The following PLXDC2 variants were observed in gnomAD, a reference collection of about 807,000 sequenced individuals.
PLXDC2 encodes the protein plexin domain containing 2.
A neutral mutation model predicts 68.9 loss-of-function variants in PLXDC2; 40 were observed. The observed-to-expected ratio is 0.58, with a 90% CI of 0.45 to 0.76. PLXDC2 has a LOEUF of 0.76. Ranked by LOEUF, PLXDC2 falls within the 30% of genes least tolerant of loss-of-function variation. PLXDC2 has a pLI of 0.00. For synonymous variants in PLXDC2, 243 were observed against 234.2 expected, an observed-to-expected ratio of 1.04 and a Z score of -0.34; for missense variants, 644 against 661.9, an observed-to-expected ratio of 0.97 and a Z score of 0.30.
intron 1 of PLXDC2, among the ~76,000 whole-genome samples, chr10:19,887,697 C>T (rs1163422874): frequency 6.6e-6 from 1 of 152,156 alleles, no homozygotes; most frequent in Non-Finnish European, 1.5e-5. Flanking sequence ...TGTTGATCAA[C>T]AGAGAATGAA....
chr10:20,083,300 C>G (rs894181299), intron 4 of PLXDC2, among the ~76,000 whole-genome samples: 3 of 151,624 alleles, frequency 2.0e-5, no homozygotes, highest in African/African-American at 4.8e-5. Context: ...ATGGTGAAAC[C>G]CCGTCTCTAC....
Position 19,850,568 on chromosome 10 carries a change from C to T in PLXDC2, c.112+33377C>T, listed in dbSNP as rs1202589908. Among the ~76,000 whole-genome samples, 4 of 152,144 alleles carry T rather than the reference C, an allele frequency of 2.6e-5. No homozygotes were observed. In the East Asian group the frequency reaches 5.8e-4, roughly 22 times the overall value. On this transcript the variant is annotated intron_variant, in intron 1 of 13. Transcript: ENST00000377252. Reference sequence around the variant, plus strand: ...TTTCATCACGAGAGACCCAACTAATCGTCTAATTGGTTCCTCCATGTCCAC... The same window carrying T: ...TTTCATCACGAGAGACCCAACTAATTGTCTAATTGGTTCCTCCATGTCCAC...
rs552546641 is a variant in PLXDC2 at position 20,107,000 on chromosome 10, G to A, written c.542-36295G>A. 5.9e-4 allele frequency among the ~76,000 whole-genome samples: 87 copies of A among 148,522 alleles called. 3 individuals are homozygous for A. The South Asian group carries it at 0.01, about 18-fold the overall frequency. ...CTTTATCCTTTATATTTTATGTAGG[G>A]GACATGTAGTGTATACATATATATA... On this transcript the variant is annotated intron_variant, in intron 4 of 13. Coordinates refer to ENST00000377252, the MANE Select transcript of PLXDC2 (RefSeq NM_032812.9).
At chr10:19,858,695 G>A (rs958484985) in intron 1 of PLXDC2, among the ~76,000 whole-genome samples, 4 of 152,114 alleles carry the variant, frequency 2.6e-5, no homozygotes, top group African/African-American at 7.2e-5. Context: ...CAGTGTTGGG[G>A]ATAGTGAGTA....
intron 4 of PLXDC2, among the ~76,000 whole-genome samples, chr10:20,118,973 C>A (rs1358922215): frequency 6.7e-6 from 1 of 150,110 alleles, no homozygotes; most frequent in Non-Finnish European, 1.5e-5. Context: ...ATACCTTTTC[C>A]AGTAGAAACT....
chr10:20,076,427 A>G (rs1836452607), intron 4 of PLXDC2, among the ~76,000 whole-genome samples: 1 of 152,352 alleles, frequency 6.6e-6, no homozygotes, highest in South Asian at 2.1e-4. Context: ...CTTGCCTATA[A>G]AATAGCACAA....
At chr10:20,236,393 C>T (rs1035262303) in intron 12 of PLXDC2, among the ~76,000 whole-genome samples, 8 of 151,636 alleles carry the variant, frequency 5.3e-5, no homozygotes, top group Admixed American at 3.3e-4. Flanking sequence ...TGCAGTGAGC[C>T]GAGATCACAC....
rs374257996 is a variant in PLXDC2 at position 20,009,007 on chromosome 10, A to G, written c.324+7021A>G. On this transcript the variant is annotated intron_variant, in intron 2 of 13. Transcript: ENST00000377252. ...GTTTGTCTTTATTCGCAGCTTGAAA[A>G]CGGACTAATACAAGAGAGTACATTG... is the stretch of plus-strand genomic sequence containing the variant. Among the ~76,000 whole-genome samples, 64 of 152,250 alleles carry G rather than the reference A, an allele frequency of 4.2e-4. 2 individuals carry two copies. In the South Asian group the frequency reaches 5.6e-3, roughly 13 times the overall value.
At chr10:20,195,914 CA>C (rs1288100885) in intron 9 of PLXDC2, among the ~76,000 whole-genome samples, 3 of 152,126 alleles carry the variant, frequency 2.0e-5, no homozygotes, top group Non-Finnish European at 4.4e-5. Context: ...CAGCACACCT[CA>C]ACCCCCAAGA....
At chr10:20,065,825 C>T (rs1836199540) in intron 3 of PLXDC2, among the ~76,000 whole-genome samples, 1 of 152,206 alleles carries the variant, frequency 6.6e-6, no homozygotes, top group Admixed American at 6.5e-5. Context: ...GGTGGTAACG[C>T]AAGCCATGGG....
chr10:20,151,589 T>C (rs1410303302), intron 6 of PLXDC2, among the ~76,000 whole-genome samples: 2 of 152,162 alleles, frequency 1.3e-5, no homozygotes, highest in African/African-American at 4.8e-5. Context: ...AGAGATTATG[T>C]AAAACAATTC....
chr10:20,164,654 T>TA lies in PLXDC2; in HGVS notation c.883+97dup, dbSNP rs372373417. On this transcript the variant is annotated intron_variant, in intron 7 of 13. Coordinates refer to ENST00000377252, the MANE Select transcript of PLXDC2 (RefSeq NM_032812.9). Reference sequence around the variant, plus strand: ...TGGTCTATGGCAGCTGTACCTGAATTAAAAAAAAAATAGCTAATCGATTAG... The same window carrying TA: ...TGGTCTATGGCAGCTGTACCTGAATTAAAAAAAAAAATAGCTAATCGATTAG... The TA allele has an allele frequency of 3.4e-3, 2,974 of 880,476 alleles. 6 individuals are homozygous for TA. Among genetic ancestry groups the TA allele is most frequent in the South Asian group, 0.012 (772 of 62,834 alleles). 54.5% of individuals were successfully genotyped at this position (880,476 alleles called of 1,614,324 possible).
intron 1 of PLXDC2, among the ~76,000 whole-genome samples, chr10:19,991,194 C>T (rs188114487): frequency 1.6e-4 from 24 of 150,356 alleles, no homozygotes; most frequent in Non-Finnish European, 3.1e-4. Flanking sequence ...TGCGGTGAGC[C>T]GAGATCATGC....
rs571271266 is a variant in PLXDC2, at chr10:20,054,949, C to T, written c.471+7934C>T. Among the ~76,000 whole-genome samples the T allele has an allele frequency of 2.4e-4, 36 of 152,056 alleles. No individual in the cohort carries two copies. In the South Asian group the frequency reaches 7.3e-3, roughly 31 times the overall value. On this transcript the variant is annotated intron_variant, in intron 3 of 13. Transcript: ENST00000377252. ...ATATCTTTCTATGTATATATTTTTGCCAAACAATTGCCAATATACTGTTTG... is the reference window on the plus strand; with the variant it reads ...ATATCTTTCTATGTATATATTTTTGTCAAACAATTGCCAATATACTGTTTG...
intron 1 of PLXDC2, among the ~76,000 whole-genome samples, chr10:19,882,978 A>G (rs1424708528): frequency 3.8e-5 from 4 of 106,010 alleles, no homozygotes; most frequent in Non-Finnish European, 7.7e-5. Flanking sequence ...TTTTTTTGAG[A>G]CAGAGTCTCA....
At chr10:20,141,460 C>G (rs992899791) in intron 4 of PLXDC2, among the ~76,000 whole-genome samples, 5 of 151,986 alleles carry the variant, frequency 3.3e-5, no homozygotes, top group African/African-American at 1.2e-4. Flanking sequence ...CCTCCATCCT[C>G]CAAGTTAAGC....
intron 1 of PLXDC2, among the ~76,000 whole-genome samples, chr10:19,992,497 G>T (rs1304016925): frequency 6.6e-6 from 1 of 152,144 alleles, no homozygotes; most frequent in Non-Finnish European, 1.5e-5. Flanking sequence ...TGAAAATTCA[G>T]TGGATGCTCT....
chr10:20,176,202 A>C (rs1010049089), intron 7 of PLXDC2, among the ~76,000 whole-genome samples: 14 of 152,158 alleles, frequency 9.2e-5, no homozygotes, highest in Middle Eastern at 3.2e-3. Context: ...CTGTATATTT[A>C]ATACATAGCA....
chr10:20,217,471 T>A lies in PLXDC2; in HGVS notation c.1168T>A (p.Ser390Thr), dbSNP rs1371878508. The change falls in exon 11 of 14, where the codon TCT becomes ACT. Residue 390 changes from serine (S) to threonine (T), a missense_variant. Around this residue, in one of 3 missense-constraint regions of PLXDC2, gnomAD observed 330 missense variants for 327.9 expected, o/e 1.01. Transcript: ENST00000377252. ...GAATACAGAACCAGTGGAAACTTCT[T>A]CTCGAACCACCACAACCGTAGGAGC... is the stretch of plus-strand genomic sequence containing the variant. Reference protein sequence around the residue: ...CENTEPVETSSRTTTTVGATT... With the variant: ...CENTEPVETSTRTTTTVGATT... 1.2e-6 allele frequency: 2 copies of A among 1,612,842 alleles called. No homozygotes were observed. Among genetic ancestry groups the A allele is most frequent in the Admixed American group, 3.3e-5 (2 of 59,934 alleles).
Sources: gnomAD v4.1 joint callset for allele counts (sites outside exome capture counted in the v4.1 genomes callset) on GRCh38, gnomAD v4.1.1 for gene constraint, gnomAD v4.1.1 regional missense constraint, MANE v1.5 for transcripts, NCBI Gene and HGNC (gene_info 2026-07-23, HGNC 2026-07-21) for gene names.